Variants in PTPRD observed in about 807,000 individuals in gnomAD.
PTPRD encodes receptor-type tyrosine-protein phosphatase delta.
PTPRD carries 34 observed loss-of-function variants against 214.5 expected under a neutral mutation model. The observed-to-expected ratio is 0.16, with a 90% CI of 0.12 to 0.21. PTPRD has a LOEUF of 0.21. Among genes scored for constraint, PTPRD ranks in the 10% least tolerant of loss-of-function variants. PTPRD has a pLI of 1.00. For synonymous variants in PTPRD, 1,128 were observed against 845.7 expected, an observed-to-expected ratio of 1.33 and a Z score of -5.79; for missense variants, 2,545 against 2,398.7, an observed-to-expected ratio of 1.06 and a Z score of -1.27.
chr9:8,353,786 T>C (rs1020045215), intron 39 of PTPRD, among the ~76,000 whole-genome samples: 18 of 145,998 alleles, frequency 1.2e-4, no homozygotes, highest in Non-Finnish European at 3.0e-5. Flanking sequence ...TTCGTATACA[T>C]ATACAAATTT....
At chr9:9,555,924 G>C (rs2069502497) in intron 8 of PTPRD, among the ~76,000 whole-genome samples, 1 of 152,028 alleles carries the variant, frequency 6.6e-6, no homozygotes, top group African/African-American at 2.4e-5. Flanking sequence ...AACTAAAATA[G>C]AACCTTTGCT....
intron 10 of PTPRD, among the ~76,000 whole-genome samples, chr9:9,167,731 G>A (rs1167870319): frequency 6.6e-6 from 1 of 152,016 alleles, no homozygotes; most frequent in East Asian, 1.9e-4. Flanking sequence ...CTCCAGCCTA[G>A]GCAATGAGAG....
At chr9:8,677,487 CAAA>C (rs764279144) in intron 12 of PTPRD, among the ~76,000 whole-genome samples, 2 of 152,032 alleles carry the variant, frequency 1.3e-5, no homozygotes, top group Non-Finnish European at 2.9e-5. Context: ...CACACAAACA[CAAA>C]GAAGGAAACA....
At chr9:10,375,508 T>C (rs1232612568) in intron 2 of PTPRD, among the ~76,000 whole-genome samples, 1 of 152,036 alleles carries the variant, frequency 6.6e-6, no homozygotes, top group Non-Finnish European at 1.5e-5. Flanking sequence ...TTAAATATTC[T>C]TTAATCAGAC....
chr9:8,612,240 C>T (rs553307426), intron 14 of PTPRD, among the ~76,000 whole-genome samples: 1 of 152,334 alleles, frequency 6.6e-6, no homozygotes, highest in South Asian at 2.1e-4. Flanking sequence ...CAAAACATAT[C>T]TCCTTTACAC....
intron 14 of PTPRD, among the ~76,000 whole-genome samples, chr9:8,535,220 C>T (rs552581520): frequency 1.3e-5 from 2 of 151,924 alleles, no homozygotes; most frequent in South Asian, 2.1e-4. Context: ...ATCAATAGAT[C>T]TAAAGGGATC....
intron 11 of PTPRD, among the ~76,000 whole-genome samples, chr9:9,007,492 A>T (rs1433385546): frequency 2.0e-5 from 3 of 151,772 alleles, no homozygotes; most frequent in Non-Finnish European, 4.4e-5. Context: ...TATGTGCTTG[A>T]CCCTATTACT....
chr9:9,342,868 A>AGCCCCCTG (rs2047358381), intron 9 of PTPRD, among the ~76,000 whole-genome samples: 1 of 151,500 alleles, frequency 6.6e-6, no homozygotes, highest in African/African-American at 2.4e-5. Flanking sequence ...CTAGCCCCCT[A>AGCCCCCTG]CCCCGCCAAC....
intron 39 of PTPRD, among the ~76,000 whole-genome samples, chr9:8,358,226 G>C (rs533537386): frequency 6.6e-6 from 1 of 152,062 alleles, no homozygotes; most frequent in Non-Finnish European, 1.5e-5. Context: ...AAGAAATTCA[G>C]TTTTGGCTCA....
rs188020614 is a variant in PTPRD at position 8,957,487 on chromosome 9, A to G, written c.-104+61210T>C. 4.0e-3 allele frequency among the ~76,000 whole-genome samples: 615 copies of G among 151,930 alleles called. 3 individuals carry two copies. Among genetic ancestry groups the G allele is most frequent in the African/African-American group, 0.014 (570 of 41,516 alleles). On this transcript the variant is annotated intron_variant, in intron 11 of 45. Transcript: ENST00000381196. ...TTTGAAATGCTGACTCTGCTCAGCC[A>G]AAATCAAACCCTGTCCACTATAAGT...
At chr9:9,034,524 G>A (rs1433536076) in intron 10 of PTPRD, among the ~76,000 whole-genome samples, 2 of 152,098 alleles carry the variant, frequency 1.3e-5, no homozygotes, top group Non-Finnish European at 2.9e-5. Flanking sequence ...TGTAAACATG[G>A]GGAATAATTC....
At chr9:10,039,252 C>T (rs2097252233) in intron 3 of PTPRD, among the ~76,000 whole-genome samples, 1 of 151,962 alleles carries the variant, frequency 6.6e-6, no homozygotes, top group South Asian at 2.1e-4. Flanking sequence ...CAATTTAAAA[C>T]TTTAATTTGA....
chr9:8,702,251 G>A (rs1047311801), intron 12 of PTPRD, among the ~76,000 whole-genome samples: 4 of 142,304 alleles, frequency 2.8e-5, no homozygotes, highest in African/African-American at 8.1e-5. Flanking sequence ...GCATTTTAGT[G>A]TGTAAAGTAA....
chr9:9,759,221 T>G (rs868545225), intron 6 of PTPRD, among the ~76,000 whole-genome samples: 4 of 152,218 alleles, frequency 2.6e-5, no homozygotes, highest in Non-Finnish European at 5.9e-5. Context: ...ACATATGGTC[T>G]AGCCTGTGTT....
At chr9:8,644,928 A>C (rs1161601018) in intron 12 of PTPRD, among the ~76,000 whole-genome samples, 1 of 152,242 alleles carries the variant, frequency 6.6e-6, no homozygotes. Flanking sequence ...GGCCTGAGCA[A>C]AACTTGGATA....
intron 11 of PTPRD, among the ~76,000 whole-genome samples, chr9:8,840,822 G>A (rs1489598891): frequency 1.3e-5 from 2 of 152,096 alleles, no homozygotes; most frequent in African/African-American, 4.8e-5. Context: ...GACTTAGCAA[G>A]GTTTTGGCAC....
At chr9:9,150,682 CG>C (rs1233870726) in intron 10 of PTPRD, among the ~76,000 whole-genome samples, 2 of 151,774 alleles carry the variant, frequency 1.3e-5, no homozygotes, top group African/African-American at 4.8e-5. Flanking sequence ...TTTCACTGGC[CG>C]GGCTGGTCTC....
chr9:10,612,993 G>C lies in PTPRD; in HGVS notation c.-1013C>G, dbSNP rs1456660983. On this transcript the variant is annotated 5_prime_UTR_variant, in exon 1 of 46. Coordinates refer to ENST00000381196, the MANE Select transcript of PTPRD (RefSeq NM_002839.4). ...CTCGCTGGCGCTCCCTCCTCGTCTC[G>C]CTCGCACTCACAGGCACACACCCCA... 2.6e-5 allele frequency among the ~76,000 whole-genome samples: 4 copies of C among 151,258 alleles called. No individual in the cohort carries two copies. Among genetic ancestry groups the C allele is most frequent in the Non-Finnish European group, 4.4e-5 (3 of 67,716 alleles).
At chr9:8,458,295 A>C in intron 33 of PTPRD, among the ~76,000 whole-genome samples, 1 of 152,184 alleles carries the variant, frequency 6.6e-6, no homozygotes, top group East Asian at 1.9e-4. Context: ...TCTTTTAAAA[A>C]TTATTAGGGC....
Sources: gnomAD v4.1 joint callset for allele counts (sites outside exome capture counted in the v4.1 genomes callset) on GRCh38, gnomAD v4.1.1 for gene constraint, MANE v1.5 for transcripts, NCBI Gene and HGNC (gene_info 2026-07-23, HGNC 2026-07-21) for gene names.